Variants in CPQ observed in about 807,000 individuals in gnomAD.
CPQ encodes the protein Ser-Met dipeptidase.
CPQ carries 37 observed loss-of-function variants against 45.7 expected under a neutral mutation model. That is an observed-to-expected ratio of 0.81 (90% CI 0.62 to 1.07). The LOEUF (loss-of-function observed/expected upper bound fraction) is 1.07, where lower values mean the gene tolerates loss of function less well. Ranked by LOEUF, CPQ falls within the 50% of genes least tolerant of loss-of-function variation. CPQ has a pLI of 0.00. For missense variants in CPQ, 537 were observed against 572.9 expected, an observed-to-expected ratio of 0.94 and a Z score of 0.64; for synonymous variants, 186 against 205.8, an observed-to-expected ratio of 0.90 and a Z score of 0.82.
At chr8:96,733,255 C>T (rs1390977120) in intron 1 of CPQ, among the ~76,000 whole-genome samples, 2 of 152,174 alleles carry the variant, frequency 1.3e-5, no homozygotes, top group African/African-American at 4.8e-5. Flanking sequence ...TTTATACCTC[C>T]ACATTGCCAG....
At chr8:96,874,735 A>G (rs2130876996) in intron 3 of CPQ, among the ~76,000 whole-genome samples, 1 of 151,924 alleles carries the variant, frequency 6.6e-6, no homozygotes, top group African/African-American at 2.4e-5. Flanking sequence ...CACATTTATC[A>G]TTTGATAGGT....
rs1419830565 is a variant in CPQ at position 96,672,516 on chromosome 8, G to A, written c.-35+27114G>A. Among the ~76,000 whole-genome samples, 3 of 152,152 alleles carry A rather than the reference G, an allele frequency of 2.0e-5. No individual in the cohort carries two copies. In the East Asian group the frequency reaches 5.8e-4, roughly 29 times the overall value. On this transcript the variant is annotated intron_variant, in intron 1 of 7. Transcript: ENST00000220763. ...CAAAGGAGTTGGAAAACAATTGCTA[G>A]GATTGGGGAGTTGTTTCAGTTTTAA...
intron 5 of CPQ, among the ~76,000 whole-genome samples, chr8:96,989,753 G>A (rs2130403290): frequency 6.6e-6 from 1 of 152,224 alleles, no homozygotes; most frequent in South Asian, 2.1e-4. Context: ...CCTTTAGCCA[G>A]AAATAGAGAT....
chr8:96,894,304 T>C (rs1203298654), intron 4 of CPQ, among the ~76,000 whole-genome samples: 1 of 152,234 alleles, frequency 6.6e-6, no homozygotes, highest in Middle Eastern at 3.2e-3. Context: ...TTTATTGTTT[T>C]AAGCCACTAA....
At chr8:96,687,809 A>G (rs1030595908) in intron 1 of CPQ, among the ~76,000 whole-genome samples, 2 of 151,984 alleles carry the variant, frequency 1.3e-5, no homozygotes, top group African/African-American at 4.8e-5. Context: ...GTTATTTTTA[A>G]GTTTTATTAC....
chr8:97,017,093 A>G (rs1260471129), intron 5 of CPQ, among the ~76,000 whole-genome samples: 2 of 152,228 alleles, frequency 1.3e-5, no homozygotes, highest in Admixed American at 1.3e-4. Flanking sequence ...AAAAAACTGT[A>G]GAAGTGGGAA....
intron 6 of CPQ, among the ~76,000 whole-genome samples, chr8:97,039,996 C>T (rs1158876345): frequency 1.8e-3 from 271 of 148,602 alleles, no homozygotes; most frequent in African/African-American, 6.7e-3. Flanking sequence ...GGGTATATAC[C>T]CAGTAATGGG....
intron 5 of CPQ, among the ~76,000 whole-genome samples, chr8:97,026,524 G>A (rs928854035): frequency 4.6e-5 from 7 of 152,250 alleles, no homozygotes; most frequent in East Asian, 3.9e-4. Flanking sequence ...GAAACCTCAC[G>A]CATTTCTCTT....
chr8:96,899,311 G>C (rs757330970), intron 4 of CPQ, among the ~76,000 whole-genome samples: 1 of 152,116 alleles, frequency 6.6e-6, no homozygotes, highest in Non-Finnish European at 1.5e-5. Flanking sequence ...ATTATTTCAC[G>C]TTTGAGCAAT....
At chr8:97,128,962 C>G (rs1586555442) in intron 7 of CPQ, among the ~76,000 whole-genome samples, 1 of 152,256 alleles carries the variant, frequency 6.6e-6, no homozygotes, top group East Asian at 1.9e-4. Flanking sequence ...GGAAGTGAGT[C>G]TAAATATTAG....
At chr8:96,688,237 T>G (rs1260473127) in intron 1 of CPQ, among the ~76,000 whole-genome samples, 12 of 152,160 alleles carry the variant, frequency 7.9e-5, no homozygotes, top group Admixed American at 7.9e-4. Flanking sequence ...TTAAAACCCA[T>G]CTGATATTAA....
intron 1 of CPQ, among the ~76,000 whole-genome samples, chr8:96,696,585 G>A (rs571478506): frequency 6.6e-6 from 1 of 151,286 alleles, no homozygotes; most frequent in South Asian, 2.1e-4. Flanking sequence ...GAAGTGAAAA[G>A]TTGGTTTTGT....
intron 1 of CPQ, among the ~76,000 whole-genome samples, chr8:96,715,613 T>A (rs763119265): frequency 1.3e-5 from 2 of 152,146 alleles, no homozygotes. Flanking sequence ...CCTTCATGAG[T>A]ACCAGGGCTG....
intron 6 of CPQ, among the ~76,000 whole-genome samples, chr8:97,042,436 G>C (rs1406379688): frequency 5.3e-5 from 8 of 152,052 alleles, no homozygotes; most frequent in South Asian, 4.2e-4. Context: ...CAAAAAACCA[G>C]CTCCTGGATT....
intron 6 of CPQ, among the ~76,000 whole-genome samples, chr8:97,036,942 A>G (rs542203464): frequency 1.6e-4 from 24 of 152,326 alleles, no homozygotes; most frequent in Middle Eastern, 3.4e-3. Flanking sequence ...AATAAGGGCA[A>G]TATTTTAAAT....
At chr8:97,058,109 A>G (rs1212471627) in intron 6 of CPQ, among the ~76,000 whole-genome samples, 1 of 152,182 alleles carries the variant, frequency 6.6e-6, no homozygotes, top group Admixed American at 6.6e-5. Flanking sequence ...ATACTGTCAC[A>G]ATCCAGAAAT....
At chr8:97,100,563 C>G (rs1027160245) in intron 7 of CPQ, among the ~76,000 whole-genome samples, 1 of 152,084 alleles carries the variant, frequency 6.6e-6, no homozygotes, top group Non-Finnish European at 1.5e-5. Context: ...GTCCTAGCTT[C>G]GTCATTTATT....
intron 4 of CPQ, among the ~76,000 whole-genome samples, chr8:96,880,707 A>C (rs1812212843): frequency 6.6e-6 from 1 of 151,744 alleles, no homozygotes; most frequent in Admixed American, 6.6e-5. Flanking sequence ...TCTCACTTAC[A>C]AGTGGGAGCT....
At chr8:96,817,171 A>G (rs1028574061) in intron 2 of CPQ, among the ~76,000 whole-genome samples, 4 of 152,160 alleles carry the variant, frequency 2.6e-5, no homozygotes, top group Admixed American at 2.6e-4. Context: ...GCGTAGTGAC[A>G]TACCTCAATG....
Sources: gnomAD v4.1 joint callset for allele counts (sites outside exome capture counted in the v4.1 genomes callset) on GRCh38, gnomAD v4.1.1 for gene constraint, MANE v1.5 for transcripts, NCBI Gene and HGNC (gene_info 2026-07-23, HGNC 2026-07-21) for gene names.